The following OR4M1 variants were observed in gnomAD, a reference collection of about 807,000 sequenced individuals.
OR4M1 encodes olfactory receptor 4M1.
A neutral mutation model predicts 9.8 loss-of-function variants in OR4M1; 7 were observed. The ratio of observed to expected loss-of-function variants is 0.71; its 90% CI spans 0.41 to 1.34. The LOEUF is 1.34. Ranked by LOEUF, OR4M1 falls within the 40% of genes most tolerant of loss-of-function variation. The probability of loss-of-function intolerance (pLI) is 0.01; values close to 1 mark genes in which losing one functional copy is unlikely to be tolerated. For missense variants in OR4M1, 331 were observed against 380.4 expected (o/e 0.87, Z 1.08); for synonymous variants, 121 against 139.8 (o/e 0.87, Z 0.95).
In OR4M1 at chr14:19,781,328, A is replaced by C; in HGVS notation, c.*64A>C. The stretch of plus-strand genomic sequence containing the variant: ...TTGTCCTAAAGCAGGAAGTATTTGC[A>C]GTAATAATGCTGCATTCACTTCCTC... On this transcript the variant is annotated 3_prime_UTR_variant, in exon 2 of 2. Transcript: ENST00000641200. 7.4e-7 allele frequency: 1 copy of C among 1,355,292 alleles called. No homozygotes were observed. The highest frequency in any genetic ancestry group is 1.0e-6 in the Non-Finnish European group (1 of 988,624). 84.0% of individuals were successfully genotyped at this position (1,355,292 alleles called of 1,614,324 possible).
At chr14:19,775,782 T>A (rs1358112879) in intron 1 of OR4M1, among the ~76,000 whole-genome samples, 82 of 147,802 alleles carry the variant, frequency 5.5e-4, no homozygotes, top group African/African-American at 1.9e-3. Context: ...TAATAACATA[T>A]TAAAGTATAT....
Position 19,782,462 on chromosome 14 carries a change from T to C in OR4M1, c.*1198T>C, listed in dbSNP as rs1255449380. On this transcript the variant is annotated 3_prime_UTR_variant, in exon 2 of 2. Transcript: ENST00000641200. Reference sequence around the variant, plus strand: ...TAGTCTTCTTTTTTAAATTTGATAATGTAATATGGACTAAATTTTAAGTGA... The same window carrying C: ...TAGTCTTCTTTTTTAAATTTGATAACGTAATATGGACTAAATTTTAAGTGA... 1 of 152,232 alleles carries C rather than the reference T, an allele frequency of 6.6e-6. No homozygotes were observed. Among genetic ancestry groups the C allele is most frequent in the East Asian group, 1.9e-4 (1 of 5,208 alleles). The allele number at this position is 152,232 out of a possible 1,614,324, so 9.4% of individuals were successfully genotyped here.
rs561146697 is a variant in OR4M1, at chr14:19,780,379, G to C, written c.57G>C (p.Gln19His). Residue 19 changes from glutamine to histidine, a missense_variant, in exon 2 of 2, where the codon CAG (glutamine) becomes CAC (histidine). This residue lies in a region of OR4M1 where 209 missense variants were observed against 200.0 expected (regional missense o/e 1.04). Coordinates refer to ENST00000641200, the MANE Select transcript of OR4M1 (RefSeq NM_001005500.2). The stretch of plus-strand genomic sequence containing the variant: ...AATTTGTTCTCACTGGCCTATCCCA[G>C]ACTCGGGAGGTCCAACTAGTCCTAT... ...VTEFVLTGLS[Q>H]TREVQLVLFV... is the part of the protein sequence containing the mutation. 1 of 1,614,166 alleles carries C rather than the reference G, an allele frequency of 6.2e-7. No individual in the cohort carries two copies.
intron 1 of OR4M1, among the ~76,000 whole-genome samples, chr14:19,778,954 T>G (rs1469487266): frequency 6.6e-6 from 1 of 152,228 alleles, no homozygotes; most frequent in African/African-American, 2.4e-5. Flanking sequence ...AGTCCCACAT[T>G]ACTCAATTTC....
At chr14:19,776,629 G>GA (rs541316872) in intron 1 of OR4M1, among the ~76,000 whole-genome samples, 102 of 152,046 alleles carry the variant, frequency 6.7e-4, no homozygotes, top group Non-Finnish European at 1.3e-3. Flanking sequence ...GGCAACCTTA[G>GA]AAAAAAATGC....
In OR4M1 at chr14:19,782,036, G is replaced by C. The variant is rs1043834654; in HGVS notation, c.*772G>C. 1 of 152,294 alleles carries C rather than the reference G, an allele frequency of 6.6e-6. No homozygotes were observed. Among genetic ancestry groups the C allele is most frequent in the African/African-American group, 2.4e-5 (1 of 41,454 alleles). The allele number at this position is 152,294 out of a possible 1,614,324, so 9.4% of individuals were successfully genotyped here. ...GAGTGAAAGCAGGCTTGGGGAGAAAGCTTCTAGGTTGACTGGAATTGGTAG... is the reference window on the plus strand; with the variant it reads ...GAGTGAAAGCAGGCTTGGGGAGAAACCTTCTAGGTTGACTGGAATTGGTAG... On this transcript the variant is annotated 3_prime_UTR_variant, in exon 2 of 2. Transcript: ENST00000641200.
At chr14:19,780,272 A>G (rs1314486353) in intron 1 of OR4M1, 22 bp from the exon 2 acceptor site, 1 of 1,521,864 alleles carries the variant, frequency 6.6e-7, no homozygotes, top group African/African-American at 1.4e-5. Flanking sequence ...TGGACTAATT[A>G]TAGTTTCTTT....
rs1313578291 is a variant in OR4M1, at chr14:19,780,999, A to G, written c.677A>G (p.Lys226Arg). The G allele has an allele frequency of 6.2e-7, 1 of 1,614,212 alleles. No homozygotes were observed. The highest frequency in any genetic ancestry group is 1.7e-5 in the Admixed American group (1 of 60,022). Residue 226 changes from lysine to arginine, a missense_variant, in exon 2 of 2, where the codon AAG becomes AGG. This residue lies in a region of OR4M1 where 122 missense variants were observed against 180.5 expected (regional missense o/e 0.68). Coordinates refer to ENST00000641200, the MANE Select transcript of OR4M1 (RefSeq NM_001005500.2). ...MSYAFLLALL[K>R]KHSGSGENTN... ...TATGCCTTCCTTCTGGCCTTGCTCA[A>G]GAAACATTCAGGCTCAGGTGAGAAT... is the stretch of plus-strand genomic sequence containing the variant.
At chr14:19,777,782 G>A (rs955633997) in intron 1 of OR4M1, among the ~76,000 whole-genome samples, 1 of 152,186 alleles carries the variant, frequency 6.6e-6, no homozygotes, top group African/African-American at 2.4e-5. Flanking sequence ...GACAGAATAG[G>A]AATTGTTGCA....
intron 1 of OR4M1, among the ~76,000 whole-genome samples, chr14:19,778,825 A>AC: frequency 2.4e-4 from 1 of 4,230 alleles, no homozygotes. Flanking sequence ...CTTTCTTTTG[A>AC]TTAAATCTTC....
chr14:19,779,898 A>G (rs1878416201), intron 1 of OR4M1, among the ~76,000 whole-genome samples: 1 of 152,244 alleles, frequency 6.6e-6, no homozygotes, highest in Non-Finnish European at 1.5e-5. Context: ...TGATTTTGCA[A>G]CAAAAAATAA....
In OR4M1 at chr14:19,781,842, T is replaced by C. The variant is rs1025964227; in HGVS notation, c.*578T>C. 1 of 153,604 alleles carries C rather than the reference T, an allele frequency of 6.5e-6. No homozygotes were observed. Among genetic ancestry groups the C allele is most frequent in the African/African-American group, 2.4e-5 (1 of 41,472 alleles). 9.5% of individuals were successfully genotyped at this position (153,604 alleles called of 1,614,324 possible). The stretch of plus-strand genomic sequence containing the variant: ...ATTTCAGTTTATATTTCAGGTGGTG[T>C]CCATTCAACAGTTGGAGACAGAACT... On this transcript the variant is annotated 3_prime_UTR_variant, in exon 2 of 2. Transcript: ENST00000641200.
At position 19,776,813 on chromosome 14, in the gene OR4M1, A is replaced by G. The variant is rs1366822047; in HGVS notation, c.-30+3220A>G. Among the ~76,000 whole-genome samples the G allele has an allele frequency of 2.6e-5, 4 of 152,016 alleles. No homozygotes were observed. In the East Asian group the frequency reaches 5.8e-4, roughly 22 times the overall value. On this transcript the variant is annotated intron_variant, in intron 1 of 1. Coordinates refer to ENST00000641200, the MANE Select transcript of OR4M1 (RefSeq NM_001005500.2). ...TAAGGTCGTGGTATGTGCTGGATGA[A>G]CCTCATTTTAGACACAGAAGATAGG...
intron 1 of OR4M1, among the ~76,000 whole-genome samples, chr14:19,775,323 GT>G (rs1398425214): frequency 6.6e-6 from 1 of 152,120 alleles, no homozygotes; most frequent in Non-Finnish European, 1.5e-5. Context: ...ACCTCACTCA[GT>G]ATATATTCCT....
At chr14:19,777,232 CTCTT>C (rs1273800223) in intron 1 of OR4M1, among the ~76,000 whole-genome samples, 2 of 147,270 alleles carry the variant, frequency 1.4e-5, no homozygotes, top group Non-Finnish European at 1.5e-5. Flanking sequence ...CTTTGACTAA[CTCTT>C]TATTTTGTTC....
At chr14:19,775,718 T>A (rs1472842890) in intron 1 of OR4M1, among the ~76,000 whole-genome samples, 4 of 147,496 alleles carry the variant, frequency 2.7e-5, no homozygotes, top group Non-Finnish European at 6.0e-5. Context: ...AATATTTTAA[T>A]ATACTTTAAT....
intron 1 of OR4M1, among the ~76,000 whole-genome samples, chr14:19,774,000 G>A (rs947356958): frequency 6.6e-6 from 1 of 152,212 alleles, no homozygotes; most frequent in Admixed American, 6.5e-5. Context: ...ACTCCTGAAA[G>A]AAAGTCAGGA....
chr14:19,778,389 C>T (rs573821853), intron 1 of OR4M1, among the ~76,000 whole-genome samples: 2 of 152,240 alleles, frequency 1.3e-5, no homozygotes, highest in Admixed American at 1.3e-4. Flanking sequence ...GCATCATGTC[C>T]CCATAATAAT....
chr14:19,778,970 A>G (rs966455401), intron 1 of OR4M1, among the ~76,000 whole-genome samples: 1 of 152,148 alleles, frequency 6.6e-6, no homozygotes, highest in Non-Finnish European at 1.5e-5. Flanking sequence ...ATTTCTGAGT[A>G]TTTTTACCTT....
Sources: allele counts gnomAD v4.1 joint callset (sites outside exome capture counted in the v4.1 genomes callset), GRCh38; gene constraint gnomAD v4.1.1; regional missense constraint gnomAD v4.1.1; transcripts MANE v1.5; gene names NCBI Gene and HGNC (gene_info 2026-07-23, HGNC 2026-07-21).